The following ANKAR variants were observed in gnomAD, a reference collection of about 807,000 sequenced individuals.
The protein encoded by ANKAR is ankyrin and armadillo repeat containing.
Under a neutral mutation model 146.2 loss-of-function variants are expected in ANKAR, and 136 were observed. The observed-to-expected ratio is 0.93, with a 90% CI of 0.81 to 1.07. The LOEUF (loss-of-function observed/expected upper bound fraction) is 1.07. Ranked by LOEUF, ANKAR falls within the 50% of genes least tolerant of loss-of-function variation. The pLI is 0.00. For synonymous variants in ANKAR, 500 were observed against 575.8 expected (o/e 0.87, Z 1.88); for missense variants, 1,567 against 1,679.9 (o/e 0.93, Z 1.18).
In ANKAR at chr2:189,688,890, T is replaced by C. The variant is rs534768632; in HGVS notation, c.602-637T>C. ...GCCAGAACCACATCGTGGTCAGTAG[T>C]CTTATGAGGAGAAAGTTACTGAAAT... On this transcript the variant is annotated intron_variant, in intron 2 of 22. Coordinates refer to ENST00000684021, the MANE Select transcript of ANKAR (RefSeq NM_001378068.1). Among the ~76,000 whole-genome samples the C allele has an allele frequency of 5.4e-4, 82 of 152,310 alleles. 1 individual carries two copies. The highest frequency in any genetic ancestry group is 1.8e-3 in the African/African-American group (76 of 41,562).
chr2:189,725,395 C>T (rs922488574), intron 12 of ANKAR, among the ~76,000 whole-genome samples: 1 of 151,978 alleles, frequency 6.6e-6, no homozygotes, highest in Non-Finnish European at 1.5e-5. Flanking sequence ...TAAATATCAT[C>T]CCTCATTAAA....
intron 2 of ANKAR, among the ~76,000 whole-genome samples, chr2:189,680,597 C>G (rs911690238): frequency 6.6e-6 from 1 of 151,980 alleles, no homozygotes; most frequent in Non-Finnish European, 1.5e-5. Flanking sequence ...TTCCTCTTAG[C>G]TCCACTTTTG....
intron 10 of ANKAR, among the ~76,000 whole-genome samples, chr2:189,717,091 G>A (rs2040565608): frequency 6.6e-6 from 1 of 151,998 alleles, no homozygotes; most frequent in Admixed American, 6.6e-5. Context: ...TAGACAAATG[G>A]GATCTAATTA....
At chr2:189,734,581 C>T (rs1315583314) in intron 17 of ANKAR, among the ~76,000 whole-genome samples, 1 of 152,116 alleles carries the variant, frequency 6.6e-6, no homozygotes, top group Non-Finnish European at 1.5e-5. Flanking sequence ...ACGTTTCTCT[C>T]AGTTCTGTAA....
intron 2 of ANKAR, among the ~76,000 whole-genome samples, chr2:189,685,311 T>G (rs757406226): frequency 1.1e-4 from 17 of 151,304 alleles, no homozygotes; most frequent in African/African-American, 3.9e-4. Flanking sequence ...ACAATCGTGG[T>G]TTTTTTTTCC....
At chr2:189,749,027 A>T (rs181855740), downstream of ANKAR, among the ~76,000 whole-genome samples, 14 of 152,152 alleles carry the variant, frequency 9.2e-5, no homozygotes, top group Non-Finnish European at 1.8e-4. Context: ...CGGGTGGATC[A>T]CATGGTCAGG....
intron 2 of ANKAR, among the ~76,000 whole-genome samples, chr2:189,684,130 G>A (rs893003421): frequency 8.5e-5 from 13 of 152,108 alleles, no homozygotes; most frequent in African/African-American, 2.9e-4. Flanking sequence ...AGCAAAATAG[G>A]AGAAGGGAAC....
chr2:189,760,625 T>C (rs997883260), intron 18 of ANKAR, among the ~76,000 whole-genome samples: 5 of 152,030 alleles, frequency 3.3e-5, no homozygotes, highest in Admixed American at 6.6e-5. Flanking sequence ...ACCCCGTCTC[T>C]ACTAAAATGC....
intron 9 of ANKAR, among the ~76,000 whole-genome samples, chr2:189,709,950 G>A (rs1217779784): frequency 6.6e-6 from 1 of 152,156 alleles, no homozygotes; most frequent in Non-Finnish European, 1.5e-5. Context: ...CATTGTGGGG[G>A]AAGTCCTGAC....
chr2:189,724,252 G>T (rs2041625478), intron 12 of ANKAR, among the ~76,000 whole-genome samples: 1 of 152,090 alleles, frequency 6.6e-6, no homozygotes, highest in Non-Finnish European at 1.5e-5. Flanking sequence ...ATCTTTCAGG[G>T]TTAACATTCC....
At chr2:189,714,187 A>G (rs2040096291) in intron 10 of ANKAR, among the ~76,000 whole-genome samples, 1 of 152,224 alleles carries the variant, frequency 6.6e-6, no homozygotes, top group African/African-American at 2.4e-5. Context: ...CCCACTGTCA[A>G]TATTAGATAG....
At chr2:189,761,262 C>A (rs2047026530), downstream of ANKAR, 1 of 663,458 alleles carries the variant, frequency 1.5e-6, no homozygotes, top group East Asian at 3.3e-5. Flanking sequence ...CCTTAAAAGC[C>A]AGGATGAAGT....
At chr2:189,740,681 G>A (rs531129927) in intron 19 of ANKAR, among the ~76,000 whole-genome samples, 21 of 133,824 alleles carry the variant, frequency 1.6e-4, no homozygotes, top group African/African-American at 5.1e-4. Context: ...CATTTCAACC[G>A]CAAAAAGGAC....
intron 2 of ANKAR, among the ~76,000 whole-genome samples, chr2:189,683,991 C>T (rs1047534631): frequency 7.2e-5 from 11 of 152,196 alleles, no homozygotes; most frequent in African/African-American, 2.2e-4. Flanking sequence ...CACCAAAAAT[C>T]TGGCCATGTT....
At chr2:189,686,407 A>G (rs375719477) in intron 2 of ANKAR, among the ~76,000 whole-genome samples, 3 of 152,318 alleles carry the variant, frequency 2.0e-5, no homozygotes, top group East Asian at 3.9e-4. Flanking sequence ...ACAAGAAGAA[A>G]GTCCTCAATT....
intron 18 of ANKAR, 95 bp downstream of exon 18, chr2:189,737,936 C>T (rs2042996611): frequency 3.2e-6 from 4 of 1,250,048 alleles, no homozygotes; most frequent in Non-Finnish European, 4.3e-6. Flanking sequence ...AAAACGTTTA[C>T]TTATTTGTAA....
Position 189,689,831 on chromosome 2 carries a change from C to G in ANKAR, c.906C>G (p.His302Gln), listed in dbSNP as rs779487302. Residue 302 changes from histidine (H) to glutamine (Q), a missense_variant, in exon 3 of 23, where the codon CAC (histidine) becomes CAG (glutamine). His to Gln is a conservative substitution (Grantham distance 24). Transcript: ENST00000684021. ...LYLQKKIIQK[H>Q]FEKKKDIRRG... ...TTCAAAAAAAGATTATTCAAAAACACTTTGAGAAGAAAAAAGATATCAGAA... is the reference window on the plus strand; with the variant it reads ...TTCAAAAAAAGATTATTCAAAAACAGTTTGAGAAGAAAAAAGATATCAGAA... 1.9e-6 allele frequency: 3 copies of G among 1,604,730 alleles called. No individual in the cohort carries two copies. The highest frequency in any genetic ancestry group is 2.6e-6 in the Non-Finnish European group (3 of 1,176,272).
chr2:189,719,035 C>A (rs1263130656), intron 10 of ANKAR, among the ~76,000 whole-genome samples: 1 of 152,156 alleles, frequency 6.6e-6, no homozygotes, highest in Non-Finnish European at 1.5e-5. Flanking sequence ...AGGCGTGAGC[C>A]ACCGCGCCCG....
At chr2:189,754,965 T>TGAA (rs1343786097) in intron 18 of ANKAR, 4 of 601,390 alleles carry the variant, frequency 6.7e-6, no homozygotes, top group Admixed American at 3.6e-5. Context: ...TGTACAGATA[T>TGAA]GAACCTCTTA....
Sources: allele counts gnomAD v4.1 joint callset (sites outside exome capture counted in the v4.1 genomes callset), GRCh38; gene constraint gnomAD v4.1.1; transcripts MANE v1.5; gene names NCBI Gene and HGNC (gene_info 2026-07-23, HGNC 2026-07-21).